Variants in ZFPM1 observed in about 807,000 individuals in gnomAD.
ZFPM1 encodes zinc finger protein ZFPM1.
ZFPM1 carries 28 observed loss-of-function variants against 46.3 expected under a neutral mutation model. The ratio of observed to expected loss-of-function variants is 0.60; its 90% CI spans 0.45 to 0.83. The LOEUF (loss-of-function observed/expected upper bound fraction) is 0.83. ZFPM1 is among the 40% of genes least tolerant of loss of function. ZFPM1 has a pLI of 0.00. For missense variants in ZFPM1, 1,878 were observed against 1,432.4 expected (o/e 1.31, Z -5.02); for synonymous variants, 957 against 675.9 (o/e 1.42, Z -6.45).
At chr16:88,476,377 C>T (rs1483714097) in intron 1 of ZFPM1, among the ~76,000 whole-genome samples, 3 of 152,128 alleles carry the variant, frequency 2.0e-5, no homozygotes, top group Admixed American at 6.5e-5. Flanking sequence ...TGCCGGGCAC[C>T]GTTCCAGATG....
In ZFPM1 at chr16:88,497,924, G is replaced by A. The variant is rs543727570; in HGVS notation, c.268+8771G>A. On this transcript the variant is annotated intron_variant, in intron 3 of 9. Transcript: ENST00000319555. The surrounding 1 kb of genome is among the most constrained non-coding windows in gnomAD (Gnocchi z 5.4). ...CGGGTGGAGGCTGAGGCGGGGGCCC[G>A]GCCTGATGGACAGCAGGGAGATGGG... 5.3e-5 allele frequency among the ~76,000 whole-genome samples: 8 copies of A among 152,320 alleles called. No homozygotes were observed. Among genetic ancestry groups the A allele is most frequent in the Admixed American group, 3.9e-4 (6 of 15,306 alleles).
intron 1 of ZFPM1, among the ~76,000 whole-genome samples, chr16:88,472,161 G>T (rs1460385240): frequency 6.6e-6 from 1 of 152,176 alleles, no homozygotes; most frequent in Non-Finnish European, 1.5e-5. Flanking sequence ...GCGAGCCCCA[G>T]CCTCAGTGTC....
chr16:88,514,434 C>G lies in ZFPM1; in HGVS notation c.316C>G (p.Arg106Gly). 1 of 1,558,940 alleles carries G rather than the reference C, an allele frequency of 6.4e-7. No individual in the cohort carries two copies. Among genetic ancestry groups the G allele is most frequent in the Non-Finnish European group, 8.7e-7 (1 of 1,151,826 alleles). ...GGATGGGCAGAGGCGCATACGGGCC[C>G]GACTCAGCCTCGCCACGGGCCTGTC... The part of the protein sequence containing the change: ...VQDGQRRIRA[R>G]LSLATGLSWG... The change falls in exon 4 of 10, where the codon CGA (arginine) becomes GGA (glycine). Residue 106 changes from arginine to glycine, a missense_variant. Physicochemically the swap from Arg to Gly is moderately radical, Grantham distance 125. Coordinates refer to ENST00000319555, the MANE Select transcript of ZFPM1 (RefSeq NM_153813.3).
At chr16:88,525,753 C>T (rs1912263069) in intron 4 of ZFPM1, among the ~76,000 whole-genome samples, 1 of 152,224 alleles carries the variant, frequency 6.6e-6, no homozygotes, top group Non-Finnish European at 1.5e-5. Context: ...CACCACAGAG[C>T]GAGGCCATGG....
chr16:88,470,530 G>A (rs1159671247), intron 1 of ZFPM1, among the ~76,000 whole-genome samples: 3 of 149,080 alleles, frequency 2.0e-5, no homozygotes, highest in Non-Finnish European at 4.5e-5. Context: ...GATGTGGCAC[G>A]GTGTGGAGGG....
At chr16:88,531,723 G>A (rs371254162) in intron 6 of ZFPM1, among the ~76,000 whole-genome samples, 23 of 152,234 alleles carry the variant, frequency 1.5e-4, no homozygotes, top group African/African-American at 5.5e-4. Flanking sequence ...TGAGGCCAAA[G>A]CATCTCCTTA....
rs1030507351 is a variant in ZFPM1, at chr16:88,528,052, G to A, written c.526G>A (p.Val176Ile). ...TCCAGATGACGCACTCTGGTGCAGG[G>A]TCACCAAGCCGGTGCCTGCGGGGGG... ...HRKDDALWCR[V>I]TKPVPAGGLL... The change falls in exon 6 of 10, where the codon GTC becomes ATC. Residue 176 changes from valine (V) to isoleucine (I), a missense_variant. Coordinates refer to ENST00000319555, the MANE Select transcript of ZFPM1 (RefSeq NM_153813.3). The A allele has an allele frequency of 1.3e-6, 2 of 1,552,216 alleles. No homozygotes were observed. Among genetic ancestry groups the A allele is most frequent in the Admixed American group, 3.9e-5 (2 of 51,690 alleles).
chr16:88,534,269 C>T lies in ZFPM1; in HGVS notation c.2311C>T (p.Pro771Ser). ...CGCCCCCGCGCCCGAGTCGCCGCGG[C>T]CCGGAAGCGGAAGCGGAAGCGGCCC... ...GHAPAPESPR[P>S]GSGSGSGPGL... The change falls in exon 10 of 10, where the codon CCC becomes TCC. Residue 771 changes from proline (P) to serine (S), a missense_variant. Transcript: ENST00000319555. 9 of 1,118,296 alleles carry T rather than the reference C, an allele frequency of 8.0e-6. No homozygotes were observed. In the South Asian group the frequency reaches 2.5e-4, roughly 31 times the overall value. The allele number at this position is 1,118,296 out of a possible 1,614,324, so 69.3% of individuals were successfully genotyped here.
chr16:88,470,878 A>C (rs373338726), intron 1 of ZFPM1, among the ~76,000 whole-genome samples: 17 of 152,010 alleles, frequency 1.1e-4, no homozygotes, highest in African/African-American at 4.1e-4. Flanking sequence ...AGGATGTGGC[A>C]TAGGGAAACA....
intron 3 of ZFPM1, among the ~76,000 whole-genome samples, chr16:88,496,302 G>A (rs1909927481): frequency 6.6e-6 from 1 of 152,138 alleles, no homozygotes; most frequent in South Asian, 2.1e-4. Context: ...AGGGCTGGGG[G>A]TTCCAGGCTG....
chr16:88,491,104 G>A (rs1005076407), intron 3 of ZFPM1, among the ~76,000 whole-genome samples: 22 of 151,618 alleles, frequency 1.5e-4, no homozygotes, highest in Admixed American at 1.3e-3. Flanking sequence ...TGGTGCCTTC[G>A]GGGGTCCCAG....
At chr16:88,490,105 G>A (rs1353332608) in intron 3 of ZFPM1, among the ~76,000 whole-genome samples, 7 of 151,666 alleles carry the variant, frequency 4.6e-5, no homozygotes, top group Admixed American at 2.6e-4. Flanking sequence ...CCAGGCTGGA[G>A]TGCAATGGCG....
At chr16:88,527,593 G>A (rs1459554717) in intron 5 of ZFPM1, among the ~76,000 whole-genome samples, 6 of 151,996 alleles carry the variant, frequency 3.9e-5, no homozygotes, top group South Asian at 2.1e-4. Context: ...TGAACAAGCC[G>A]GCCCCGCGCA....
upstream of ZFPM1, among the ~76,000 whole-genome samples, chr16:88,452,021 G>A (rs1422265232): frequency 1.3e-5 from 2 of 152,198 alleles, no homozygotes; most frequent in African/African-American, 4.8e-5. Flanking sequence ...GGAGCTCCCA[G>A]CAGGCTGGCG....
intron 1 of ZFPM1, among the ~76,000 whole-genome samples, chr16:88,465,346 G>A (rs577389388): frequency 6.6e-6 from 1 of 152,254 alleles, no homozygotes; most frequent in African/African-American, 2.4e-5. Context: ...CCCTCTGTCG[G>A]GGAAGTGCCC....
In ZFPM1 at chr16:88,514,459, C is replaced by G. The variant is rs1368352589; in HGVS notation, c.341C>G (p.Ser114Cys). 6.4e-7 allele frequency: 1 copy of G among 1,559,782 alleles called. No homozygotes were observed. The highest frequency in any genetic ancestry group is 8.7e-7 in the Non-Finnish European group (1 of 1,152,264). The part of the protein sequence containing the change: ...RARLSLATGL[S>C]WGPFHGSVQT... Reference sequence around the variant, plus strand: ...CGACTCAGCCTCGCCACGGGCCTGTCCTGGGGCCCGTTCCATGGGAGTGTC... The same window carrying G: ...CGACTCAGCCTCGCCACGGGCCTGTGCTGGGGCCCGTTCCATGGGAGTGTC... The change falls in exon 4 of 10, where the codon TCC becomes TGC. Residue 114 changes from serine (S) to cysteine (C), a missense_variant. Transcript: ENST00000319555.
At position 88,473,910 on chromosome 16, in the gene ZFPM1, T is replaced by A. The variant is rs565646354; in HGVS notation, c.41-12029T>A. ...TCCCATCCCTGGGCACCCCCTCGGC[T>A]CTTCCGCAAGGGGTTTAGTAATCGG... On this transcript the variant is annotated intron_variant, in intron 1 of 9. Transcript: ENST00000319555. Among the ~76,000 whole-genome samples the A allele has an allele frequency of 8.6e-5, 13 of 152,034 alleles. 1 individual carries two copies. Among genetic ancestry groups the A allele is most frequent in the African/African-American group, 3.1e-4 (13 of 41,468 alleles).
chr16:88,514,216 T>G (rs1911144159), intron 3 of ZFPM1, among the ~76,000 whole-genome samples, 171 bp from the exon 4 acceptor site: 1 of 152,198 alleles, frequency 6.6e-6, no homozygotes. Flanking sequence ...CTAGAGATCT[T>G]GCTGCAGGGC....
chr16:88,468,313 A>G (rs1908251452), intron 1 of ZFPM1, among the ~76,000 whole-genome samples: 1 of 152,126 alleles, frequency 6.6e-6, no homozygotes, highest in Non-Finnish European at 1.5e-5. Flanking sequence ...GGGAGAGCTG[A>G]GCACTCGGGG....
Sources: gnomAD v4.1 joint callset for allele counts (sites outside exome capture counted in the v4.1 genomes callset) on GRCh38, gnomAD v4.1.1 for gene constraint, Gnocchi (gnomAD v3.1) non-coding constraint, MANE v1.5 for transcripts, NCBI Gene and HGNC (gene_info 2026-07-23, HGNC 2026-07-21) for gene names.